Variants in RPL9 observed in about 807,000 individuals in gnomAD.
RPL9 encodes ribosomal protein L9.
For synonymous variants in RPL9, 82 were observed against 77.1 expected, an observed-to-expected ratio of 1.06 and a Z score of -0.33; for missense variants, 149 against 236.7, an observed-to-expected ratio of 0.63 and a Z score of 2.43.
rs186201502 is a variant in RPL9 at position 39,458,258 on chromosome 4, G to T, written c.98C>A (p.Thr33Asn). The change falls in exon 3 of 8, where the codon ACC becomes AAC. Residue 33 changes from threonine (T) to asparagine (N), a missense_variant. Transcript: ENST00000295955. ...RTVIVKGPRG[T>N]LRRDFNHINV... ...GATGTGATTGAAGTCCCTCCGCAGGGTTCCTCTGGGGCCCTTCACGATAAC... is the reference window on the plus strand; with the variant it reads ...GATGTGATTGAAGTCCCTCCGCAGGTTTCCTCTGGGGCCCTTCACGATAAC... 9 of 1,614,072 alleles carry T rather than the reference G, an allele frequency of 5.6e-6. No homozygotes were observed. The highest frequency in any genetic ancestry group is 7.6e-6 in the Non-Finnish European group (9 of 1,180,028).
At chr4:39,456,571 T>C (rs1038394578) in intron 4 of RPL9, 33 bp from the exon 5 acceptor site, 11 of 1,602,668 alleles carry the variant, frequency 6.9e-6, no homozygotes, top group Middle Eastern at 3.3e-4. Flanking sequence ...CTATTAGCAA[T>C]GCTGAGGAAT....
chr4:39,455,002 G>C, intron 5 of RPL9, 58 bp from the exon 6 acceptor site: 2 of 1,492,990 alleles, frequency 1.3e-6, no homozygotes, highest in Non-Finnish European at 9.2e-7. Flanking sequence ...TATTTAAATT[G>C]CAGAGGCACT....
intron 6 of RPL9, 21 bp downstream of exon 6, chr4:39,454,843 A>T: frequency 6.2e-7 from 1 of 1,607,670 alleles, no homozygotes; most frequent in Non-Finnish European, 8.5e-7. Flanking sequence ...AGGCATAGTT[A>T]GACATAGTAA....
intron 1 of RPL9, 33 bp from the exon 2 acceptor site, chr4:39,458,473 C>G (rs763544906): frequency 1.2e-6 from 2 of 1,611,230 alleles, no homozygotes; most frequent in Non-Finnish European, 8.5e-7. Flanking sequence ...GAGGCCGACG[C>G]AAGGCCCGTT....
chr4:39,458,515 C>T (rs981488965), intron 1 of RPL9, 75 bp from the exon 2 acceptor site: 160 of 1,491,876 alleles, frequency 1.1e-4, no homozygotes, highest in Non-Finnish European at 1.4e-4. Context: ...CAGAGCTCCA[C>T]TCCTACTGGA....
intron 4 of RPL9, 38 bp downstream of exon 4, chr4:39,457,548 C>T: frequency 6.6e-7 from 1 of 1,521,388 alleles, no homozygotes; most frequent in Middle Eastern, 1.9e-4. Flanking sequence ...TGAGAAACCT[C>T]CCTTTCCAAA....
rs550500012 is a variant in RPL9 at position 39,456,632 on chromosome 4, G to GT, written c.259-95dup. On this transcript the variant is annotated intron_variant, in intron 4 of 7. Transcript: ENST00000295955. The stretch of plus-strand genomic sequence containing the variant: ...AAGATGCTTATACTTATTTTAAAAC[G>GT]TAACACTCACTGCCAAGATTTTCTA... 63 of 1,357,244 alleles carry GT rather than the reference G, an allele frequency of 4.6e-5. No homozygotes were observed. The African/African-American group carries it at 7.3e-4, about 16-fold the overall frequency. 84.1% of individuals were successfully genotyped at this position (1,357,244 alleles called of 1,614,324 possible).
At chr4:39,457,364 A>C (rs1233766907) in intron 4 of RPL9, 1 of 411,004 alleles carries the variant, frequency 2.4e-6, no homozygotes, top group African/African-American at 2.1e-5. Context: ...AAAAAAAAAA[A>C]AAACCCAACA....
chr4:39,455,578 A>G (rs1744054645), intron 5 of RPL9, among the ~76,000 whole-genome samples: 1 of 152,140 alleles, frequency 6.6e-6, no homozygotes, highest in African/African-American at 2.4e-5. Context: ...CCTTGAAATC[A>G]GCCTGGGCAA....
chr4:39,456,193 A>G, intron 5 of RPL9: 1 of 583,690 alleles, frequency 1.7e-6, no homozygotes. Context: ...CCAATGTATC[A>G]ACTTTCTGAA....
At chr4:39,454,323 T>C (rs1744003476) in intron 7 of RPL9, 98 bp from the exon 8 acceptor site, 3 of 470,626 alleles carry the variant, frequency 6.4e-6, no homozygotes, top group African/African-American at 4.0e-5. Context: ...ATCTAAAACA[T>C]ACCTCAAGAC....
At chr4:39,457,545 C>T (rs369369249) in intron 4 of RPL9, 41 bp downstream of exon 4, 6 of 1,502,328 alleles carry the variant, frequency 4.0e-6, no homozygotes, top group African/African-American at 2.8e-5. Flanking sequence ...GTTTGAGAAA[C>T]CTCCCTTTCC....
Position 39,456,524 on chromosome 4 carries a change from C to G in RPL9, c.273G>C (p.Lys91Asn). 1.2e-6 allele frequency: 2 copies of G among 1,613,912 alleles called. No individual in the cohort carries two copies. The highest frequency in any genetic ancestry group is 1.7e-6 in the Non-Finnish European group (2 of 1,179,856). Reference sequence around the variant, plus strand: ...GGAAGTGAGCATACACAGACCTCATCTTGTAACGGAAGCCCTATGTTAAAT... The same window carrying G: ...GGAAGTGAGCATACACAGACCTCATGTTGTAACGGAAGCCCTATGTTAAAT... ...IKGVTLGFRY[K>N]MRSVYAHFPI... Residue 91 changes from lysine (K) to asparagine (N), a missense_variant, in exon 5 of 8, where the codon AAG (lysine) becomes AAC (asparagine). Physicochemically the swap from Lys to Asn is moderately conservative, Grantham distance 94. Coordinates refer to ENST00000295955, the MANE Select transcript of RPL9 (RefSeq NM_000661.5).
chr4:39,458,866 C>T (rs763714776), intron 1 of RPL9, 25 bp downstream of exon 1: 9 of 698,240 alleles, frequency 1.3e-5, no homozygotes, highest in Admixed American at 8.0e-5. Context: ...TCCCAGTACC[C>T]CCACGAGCAC....
chr4:39,458,390 A>G lies in RPL9; in HGVS notation c.46+4T>C. On this transcript the variant is annotated splice_donor_region_variant and intron_variant, in intron 2 of 7. Coordinates refer to ENST00000295955, the MANE Select transcript of RPL9 (RefSeq NM_000661.5). ...ATGTAAGTAAAAGACATCAAGTCTCATACCATTTTCTGGAATGTCGACAGT... is the reference window on the plus strand; with the variant it reads ...ATGTAAGTAAAAGACATCAAGTCTCGTACCATTTTCTGGAATGTCGACAGT... 1 of 1,614,214 alleles carries G rather than the reference A, an allele frequency of 6.2e-7. No homozygotes were observed. The highest frequency in any genetic ancestry group is 1.1e-5 in the South Asian group (1 of 91,090).
At chr4:39,454,969 C>T in intron 5 of RPL9, 25 bp from the exon 6 acceptor site, 2 of 1,595,098 alleles carry the variant, frequency 1.3e-6, no homozygotes, top group Non-Finnish European at 1.7e-6. Flanking sequence ...GGCATTTGCA[C>T]AGCATCAAAT....
intron 5 of RPL9, 198 bp downstream of exon 5, chr4:39,456,208 T>C (rs1321650091): frequency 6.5e-6 from 4 of 615,510 alleles, no homozygotes; most frequent in Non-Finnish European, 1.2e-5. Flanking sequence ...TCTGAAATTG[T>C]AATCGACATA....
chr4:39,454,835 G>C (rs1744023276), intron 6 of RPL9, 29 bp downstream of exon 6: 3 of 1,598,258 alleles, frequency 1.9e-6, no homozygotes, highest in Non-Finnish European at 2.6e-6. Context: ...AATCTTGTAG[G>C]CATAGTTAGA....
rs145459909 is a variant in RPL9 at position 39,456,422 on chromosome 4, C to A, written c.375G>T (p.Arg125Ser). The A allele has an allele frequency of 6.2e-7, 1 of 1,614,034 alleles. No individual in the cohort carries two copies. The highest frequency in any genetic ancestry group is 8.5e-7 in the Non-Finnish European group (1 of 1,179,996). Residue 125 changes from arginine (R) to serine (S), a missense_variant, in exon 5 of 8, where the codon AGG (arginine) becomes AGT (serine). Physicochemically the swap from Arg to Ser is moderately radical, Grantham distance 110. Transcript: ENST00000295955. ...TGCACATACCTGGTCTCATCCGAAC[C>A]CTGCGGATATATTTTTCACCCAAGA... ...RNFLGEKYIR[R>S]VRMRPGVACS...
Sources: allele counts gnomAD v4.1 joint callset (sites outside exome capture counted in the v4.1 genomes callset), GRCh38; gene constraint gnomAD v4.1.1; transcripts MANE v1.5; gene names NCBI Gene and HGNC (gene_info 2026-07-23, HGNC 2026-07-21).